The following MARCHF1 variants were observed in gnomAD, a reference collection of about 807,000 sequenced individuals.
MARCHF1 encodes the protein membrane associated ring-CH-type finger 1.
Under a neutral mutation model 54.2 loss-of-function variants are expected in MARCHF1, and 40 were observed. That is an observed-to-expected ratio of 0.74 (90% CI 0.57 to 0.96). MARCHF1 has a LOEUF of 0.96. Among genes scored for constraint, MARCHF1 ranks in the 40% least tolerant of loss-of-function variants. The probability of loss-of-function intolerance (pLI) is 0.00; values close to 1 mark genes in which losing one functional copy is unlikely to be tolerated. For synonymous variants in MARCHF1, 236 were observed against 236.3 expected (o/e 1.00, Z 0.01); for missense variants, 586 against 656.5 (o/e 0.89, Z 1.17).
intron 1 of MARCHF1, among the ~76,000 whole-genome samples, chr4:164,342,569 AAAAT>A (rs1243248954): frequency 2.6e-5 from 4 of 151,702 alleles, no homozygotes; most frequent in Non-Finnish European, 5.9e-5. Flanking sequence ...AAAATAAAAT[AAAAT>A]AAATAAAACT....
chr4:163,559,247 A>G (rs1306379597), intron 8 of MARCHF1, among the ~76,000 whole-genome samples: 4 of 150,600 alleles, frequency 2.7e-5, no homozygotes, highest in Non-Finnish European at 5.9e-5. Context: ...TTTGCAATGT[A>G]TGTCCTCTTT....
chr4:164,362,403 G>A (rs1730746839), intron 1 of MARCHF1, among the ~76,000 whole-genome samples: 1 of 152,054 alleles, frequency 6.6e-6, no homozygotes, highest in Admixed American at 6.6e-5. Flanking sequence ...GAAAATGTCT[G>A]GGAGACATGA....
At chr4:163,597,148 C>T (rs1045945643) in intron 7 of MARCHF1, among the ~76,000 whole-genome samples, 14 of 152,034 alleles carry the variant, frequency 9.2e-5, no homozygotes, top group African/African-American at 2.7e-4. Context: ...TGGAGAGACG[C>T]GGTTTCGCCA....
chr4:164,044,399 C>A (rs2111027438), intron 2 of MARCHF1, among the ~76,000 whole-genome samples: 1 of 151,992 alleles, frequency 6.6e-6, no homozygotes, highest in South Asian at 2.1e-4. Flanking sequence ...AGAGAGAGAG[C>A]AAAGGGGGAA....
intron 2 of MARCHF1, among the ~76,000 whole-genome samples, chr4:164,004,817 T>C (rs1560857583): frequency 6.6e-6 from 1 of 151,738 alleles, no homozygotes; most frequent in East Asian, 1.9e-4. Flanking sequence ...AGAATGCCCA[T>C]CAAAATTAGT....
chr4:164,237,393 T>C (rs937108756), intron 1 of MARCHF1, among the ~76,000 whole-genome samples: 1 of 152,100 alleles, frequency 6.6e-6, no homozygotes, highest in African/African-American at 2.4e-5. Flanking sequence ...TGCTTGGCAT[T>C]GCTCTATGCT....
intron 3 of MARCHF1, among the ~76,000 whole-genome samples, chr4:163,899,978 G>T (rs115070127): frequency 6.6e-6 from 1 of 151,688 alleles, no homozygotes; most frequent in Non-Finnish European, 1.5e-5. Flanking sequence ...TATCAACATA[G>T]CTTGCTCCTT....
chr4:163,955,707 G>A (rs1752219411), intron 3 of MARCHF1, among the ~76,000 whole-genome samples: 1 of 152,104 alleles, frequency 6.6e-6, no homozygotes, highest in Non-Finnish European at 1.5e-5. Context: ...TGTCATGGCT[G>A]AAATTCTTCG....
At chr4:163,912,433 T>G (rs1488696848) in intron 3 of MARCHF1, among the ~76,000 whole-genome samples, 1 of 152,148 alleles carries the variant, frequency 6.6e-6, no homozygotes, top group Non-Finnish European at 1.5e-5. Flanking sequence ...GCACTATAGG[T>G]AGCTCCGTGG....
intron 4 of MARCHF1, among the ~76,000 whole-genome samples, chr4:163,836,299 G>A (rs1209340105): frequency 1.3e-5 from 2 of 150,924 alleles, no homozygotes; most frequent in African/African-American, 4.9e-5. Flanking sequence ...AGGCTGGAGT[G>A]CAGTGGCACA....
At chr4:163,748,254 C>T (rs1367657592) in intron 4 of MARCHF1, among the ~76,000 whole-genome samples, 1 of 152,120 alleles carries the variant, frequency 6.6e-6, no homozygotes, top group Non-Finnish European at 1.5e-5. Context: ...TATAGTTTTT[C>T]CCACCACTCT....
At chr4:163,954,396 T>G (rs1006393634) in intron 3 of MARCHF1, among the ~76,000 whole-genome samples, 2 of 152,168 alleles carry the variant, frequency 1.3e-5, no homozygotes, top group African/African-American at 4.8e-5. Flanking sequence ...TCATTAAAAA[T>G]ACATAATCAG....
intron 3 of MARCHF1, among the ~76,000 whole-genome samples, chr4:163,945,382 A>G (rs1446022366): frequency 6.6e-6 from 1 of 152,190 alleles, no homozygotes; most frequent in Non-Finnish European, 1.5e-5. Flanking sequence ...ATAAGCATGT[A>G]TCTTCATAGC....
At chr4:163,570,507 A>G (rs1418851444) in intron 8 of MARCHF1, among the ~76,000 whole-genome samples, 2 of 152,076 alleles carry the variant, frequency 1.3e-5, no homozygotes, top group African/African-American at 4.8e-5. Context: ...AAACAACTAC[A>G]TGGTGGGGAG....
intron 2 of MARCHF1, among the ~76,000 whole-genome samples, chr4:164,107,987 G>T (rs1189540862): frequency 1.3e-5 from 2 of 151,974 alleles, no homozygotes; most frequent in African/African-American, 4.8e-5. Context: ...CCATTCATCA[G>T]TTCACTACAT....
intron 5 of MARCHF1, among the ~76,000 whole-genome samples, chr4:163,665,789 C>T (rs1377164348): frequency 2.0e-5 from 3 of 152,100 alleles, no homozygotes; most frequent in African/African-American, 7.2e-5. Context: ...AGATACTTCC[C>T]ATTTTATTAT....
intron 2 of MARCHF1, among the ~76,000 whole-genome samples, chr4:164,037,476 A>G (rs1335873326): frequency 6.6e-6 from 1 of 152,198 alleles, no homozygotes; most frequent in African/African-American, 2.4e-5. Context: ...TCTCTTTATC[A>G]GCAGCCCCAG....
At chr4:164,239,532 A>G (rs1337154445) in intron 1 of MARCHF1, among the ~76,000 whole-genome samples, 1 of 152,132 alleles carries the variant, frequency 6.6e-6, no homozygotes, top group Non-Finnish European at 1.5e-5. Flanking sequence ...GTCCTTGACA[A>G]CTTTGATTTT....
chr4:163,785,847 GATTAA>G (rs1347502913), intron 4 of MARCHF1, among the ~76,000 whole-genome samples: 1 of 151,980 alleles, frequency 6.6e-6, no homozygotes, highest in African/African-American at 2.4e-5. Flanking sequence ...TTGCACATGT[GATTAA>G]ATTAAGGATT....
Sources: gnomAD v4.1 joint callset for allele counts (sites outside exome capture counted in the v4.1 genomes callset) on GRCh38, gnomAD v4.1.1 for gene constraint, MANE v1.5 for transcripts, NCBI Gene and HGNC (gene_info 2026-07-23, HGNC 2026-07-21) for gene names.